Variants in RAB13 observed in about 807,000 individuals in gnomAD.
RAB13 encodes the protein ras-related protein Rab-13.
A neutral mutation model predicts 29.3 loss-of-function variants in RAB13; 15 were observed. The ratio of observed to expected loss-of-function variants is 0.51; its 90% confidence interval spans 0.34 to 0.79. The LOEUF is 0.79. Ranked by LOEUF, RAB13 falls within the 30% of genes least tolerant of loss-of-function variation. RAB13 has a pLI of 0.01. For missense variants in RAB13, 186 were observed against 255.5 expected (o/e 0.73, Z 1.85); for synonymous variants, 82 against 93.8 (o/e 0.87, Z 0.73).
intron 2 of RAB13, among the ~76,000 whole-genome samples, 161 bp from the exon 3 acceptor site, chr1:153,983,742 C>T (rs1430605493): frequency 6.6e-6 from 1 of 152,096 alleles, no homozygotes; most frequent in Admixed American, 6.5e-5. Context: ...AGCTGATTTC[C>T]AGAGATGGTA....
At position 153,982,518 on chromosome 1, in the gene RAB13, G is replaced by T. The variant is rs751539122; in HGVS notation, c.480+17C>A. 7.5e-6 allele frequency: 12 copies of T among 1,610,670 alleles called. No individual in the cohort carries two copies. Among genetic ancestry groups the T allele is most frequent in the Non-Finnish European group, 1.0e-5 (12 of 1,176,852 alleles). On this transcript the variant is annotated intron_variant, in intron 6 of 7. Transcript: ENST00000368575. ...AATACTTCCTCTCTTGGTCGGGGAT[G>T]GGGGTGTGGATCTCACCTCATCCAC...
At chr1:153,988,831 C>T (rs1649262815), upstream of RAB13, among the ~76,000 whole-genome samples, 2 of 149,144 alleles carry the variant, frequency 1.3e-5, no homozygotes, top group African/African-American at 2.4e-5. Flanking sequence ...AGGCTGCTCT[C>T]GAACTCCCGA....
chr1:153,982,161 G>A lies in RAB13; in HGVS notation c.550C>T (p.Pro184Ser). ...CAAGTTTTCAGGTCAGTACTGGGAGGCTTGTTGCCGTTTCCCTAGAGGGAG... is the reference window on the plus strand; with the variant it reads ...CAAGTTTTCAGGTCAGTACTGGGAGACTTGTTGCCGTTTCCCTAGAGGGAG... ...GGRRSGNGNK[P>S]PSTDLKTCDK... The change falls in exon 8 of 8, where the codon CCT (proline) becomes TCT (serine). Residue 184 changes from proline (P) to serine (S), a missense_variant. Pro to Ser is a moderately conservative substitution (Grantham distance 74). Transcript: ENST00000368575. 6.2e-7 allele frequency: 1 copy of A among 1,613,990 alleles called. No individual in the cohort carries two copies. The highest frequency in any genetic ancestry group is 8.5e-7 in the Non-Finnish European group (1 of 1,179,964).
intron 7 of RAB13, 59 bp downstream of exon 7, chr1:153,982,332 C>CAT: frequency 2.9e-6 from 4 of 1,395,586 alleles, no homozygotes; most frequent in Non-Finnish European, 2.0e-6. Context: ...CACACACACA[C>CAT]ACATACATAC....
Position 153,986,161 on chromosome 1 carries a change from T to A in RAB13, c.76A>T (p.Ile26Phe), listed in dbSNP as rs765719404. ...DSGVGKTCLI[I>F]RFAEDNFNNT... The stretch of plus-strand genomic sequence containing the variant: ...TTGAAGTTGTCCTCTGCAAAGCGAA[T>A]GATCAGACAAGTCTTGCCCACCCCC... The change falls in exon 1 of 8, where the codon ATT (isoleucine) becomes TTT (phenylalanine). Residue 26 changes from isoleucine to phenylalanine, a missense_variant. Coordinates refer to ENST00000368575, the MANE Select transcript of RAB13 (RefSeq NM_002870.5). 11 of 1,613,776 alleles carry A rather than the reference T, an allele frequency of 6.8e-6. No individual in the cohort carries two copies. The highest frequency in any genetic ancestry group is 8.5e-6 in the Non-Finnish European group (10 of 1,179,952).
upstream of RAB13, among the ~76,000 whole-genome samples, chr1:153,987,021 A>T (rs1649190768): frequency 6.6e-6 from 1 of 152,192 alleles, no homozygotes; most frequent in Admixed American, 6.6e-5. Flanking sequence ...GATCTCTCTT[A>T]TGGGGACCCA....
upstream of RAB13, among the ~76,000 whole-genome samples, chr1:153,990,033 T>C (rs1571133566): frequency 6.6e-6 from 1 of 152,188 alleles, no homozygotes; most frequent in Non-Finnish European, 1.5e-5. Flanking sequence ...ATTATCTCCT[T>C]GAGTCTTCCC....
chr1:153,986,239 C>G lies in RAB13; in HGVS notation c.-3G>C, dbSNP rs377015663. 1.2e-6 allele frequency: 2 copies of G among 1,610,870 alleles called. No individual in the cohort carries two copies. The highest frequency in any genetic ancestry group is 1.3e-5 in the African/African-American group (1 of 74,892). On this transcript the variant is annotated 5_prime_UTR_variant, in exon 1 of 8. Coordinates refer to ENST00000368575, the MANE Select transcript of RAB13 (RefSeq NM_002870.5). ...AGGTGGTCGTAGGCTTTGGCCATGG[C>G]GGACACCGGGGGAGCCGGGGGAGGG...
At chr1:153,985,422 T>A in intron 1 of RAB13, 1 of 965,746 alleles carries the variant, frequency 1.0e-6, no homozygotes, top group Non-Finnish European at 1.2e-6. Context: ...ATGTTCTTCT[T>A]AGTAGAAACT....
upstream of RAB13, among the ~76,000 whole-genome samples, chr1:153,988,989 T>C (rs1649268466): frequency 6.7e-6 from 1 of 148,254 alleles, no homozygotes; most frequent in Non-Finnish European, 1.5e-5. Context: ...GCTCAATCTC[T>C]GGTCACTGCA....
chr1:153,987,726 G>A (rs1649220572), upstream of RAB13, among the ~76,000 whole-genome samples: 1 of 130,572 alleles, frequency 7.7e-6, no homozygotes, highest in Non-Finnish European at 1.5e-5. Context: ...GATCCCTTAA[G>A]CCCAGGAGTT....
chr1:153,987,364 A>C (rs921761082), upstream of RAB13, among the ~76,000 whole-genome samples: 6 of 151,812 alleles, frequency 4.0e-5, no homozygotes, highest in African/African-American at 1.5e-4. Context: ...CACACACACA[A>C]AATTAGCCGG....
At position 153,982,445 on chromosome 1, in the gene RAB13, C is replaced by T. The variant is rs56791628; in HGVS notation, c.481-1G>A. The T allele has an allele frequency of 1.2e-6, 2 of 1,613,794 alleles. No individual in the cohort carries two copies. Among genetic ancestry groups the T allele is most frequent in the South Asian group, 1.1e-5 (1 of 91,084 alleles). ...TGTCCCGGGCCAGGGAACTAAAAGC[C>T]TAAAGTGGGGAACAGAGTCAGTTTG... On this transcript the variant is annotated splice_acceptor_variant, in intron 6 of 7. Transcript: ENST00000368575. LOFTEE classifies it high-confidence loss of function.
chr1:153,982,981 C>G (rs779771794), intron 4 of RAB13, 173 bp from the exon 5 acceptor site: 1 of 739,884 alleles, frequency 1.4e-6, no homozygotes, highest in African/African-American at 1.8e-5. Context: ...CAAAATTAGC[C>G]GAGCATGGTG....
At position 153,982,699 on chromosome 1, in the gene RAB13, T is replaced by C; in HGVS notation, c.414+20A>G. The C allele has an allele frequency of 6.2e-7, 1 of 1,613,896 alleles. No individual in the cohort carries two copies. The highest frequency in any genetic ancestry group is 1.3e-5 in the African/African-American group (1 of 75,048). On this transcript the variant is annotated intron_variant, in intron 5 of 7. Coordinates refer to ENST00000368575, the MANE Select transcript of RAB13 (RefSeq NM_002870.5). ...GCCCTCCCAGCCCAGTTCTAGAACA[T>C]TGCTCAGCCTGGCCCTCACCTTATC...
At position 153,982,535 on chromosome 1, in the gene RAB13, C is replaced by T; in HGVS notation, c.480G>A (p.Glu160=). 1 of 1,609,020 alleles carries T rather than the reference C, an allele frequency of 6.2e-7. No homozygotes were observed. Among genetic ancestry groups the T allele is most frequent in the African/African-American group, 1.4e-5 (1 of 73,962 alleles). ...TSAKSSMNVD[E]AFSSLARDIL... ...TCGGGGATGGGGGTGTGGATCTCAC[C>T]TCATCCACATTCATACTGGATTTAG... The change falls in exon 6 of 8, where the codon GAG becomes GAA. Residue 160 remains glutamate (E), a splice_region_variant and synonymous_variant. Transcript: ENST00000368575.
upstream of RAB13, among the ~76,000 whole-genome samples, chr1:153,988,316 G>A (rs147480212): frequency 0.028 from 2,802 of 100,396 alleles, 106 homozygotes; most frequent in African/African-American, 0.1. Context: ...TTTTTGAGAC[G>A]GAGTCTTGCT....
intron 4 of RAB13, 142 bp from the exon 5 acceptor site, chr1:153,982,950 A>G (rs1435057832): frequency 2.4e-6 from 2 of 840,006 alleles, no homozygotes; most frequent in East Asian, 5.2e-5. Flanking sequence ...ACATGGAGAA[A>G]ACCCGTCTCT....
rs1648999297 is a variant in RAB13 at position 153,982,231 on chromosome 1, GGT to G, written c.535-57_535-56del. On this transcript the variant is annotated intron_variant, in intron 7 of 7. Coordinates refer to ENST00000368575, the MANE Select transcript of RAB13 (RefSeq NM_002870.5). ...TGTGAATGGATGGTTAGGGTAGGAG[GGT>G]ATAAACTGTTTAAAGTAAATCCACC... The G allele has an allele frequency of 4.2e-5, 66 of 1,561,342 alleles. No individual in the cohort carries two copies. In the South Asian group the frequency reaches 7.3e-4, roughly 17 times the overall value.
Sources: allele counts gnomAD v4.1 joint callset (sites outside exome capture counted in the v4.1 genomes callset), GRCh38; gene constraint gnomAD v4.1.1; transcripts MANE v1.5; gene names NCBI Gene and HGNC (gene_info 2026-07-23, HGNC 2026-07-21).